CEP89: variants seen among roughly 807,000 people sequenced by gnomAD.
CEP89 encodes centrosomal protein 89.
In CEP89, 95 loss-of-function variants were observed where a neutral mutation model predicts 97.6. The ratio of observed to expected loss-of-function variants is 0.97; its 90% CI spans 0.82 to 1.15. CEP89 has a LOEUF of 1.15. CEP89 is among the 50% of genes most tolerant of loss of function. CEP89 has a pLI of 0.00. For synonymous variants in CEP89, 354 were observed against 349.1 expected (o/e 1.01, Z -0.16); for missense variants, 869 against 947.7 (o/e 0.92, Z 1.09).
At chr19:32,939,164 T>C (rs1031666784) in intron 6 of CEP89, among the ~76,000 whole-genome samples, 10 of 151,962 alleles carry the variant, frequency 6.6e-5, no homozygotes, top group Admixed American at 2.6e-4. Flanking sequence ...GGCAAAAGAA[T>C]CACTTGATCC....
chr19:32,939,914 CT>C, intron 5 of CEP89, 29 bp from the exon 6 acceptor site: 1 of 1,064,442 alleles, frequency 9.4e-7, no homozygotes, highest in Non-Finnish European at 1.4e-6. Context: ...GAGAGATAAA[CT>C]TTTAAAGTAG....
intron 14 of CEP89, among the ~76,000 whole-genome samples, chr19:32,911,452 A>C (rs1969998373): frequency 1.3e-5 from 2 of 152,224 alleles, no homozygotes; most frequent in South Asian, 4.1e-4. Context: ...GCCCAGCTCA[A>C]GATCAGCCTG....
At chr19:32,884,576 A>G (rs1217514613) in intron 17 of CEP89, among the ~76,000 whole-genome samples, 3 of 152,140 alleles carry the variant, frequency 2.0e-5, no homozygotes, top group Admixed American at 6.5e-5. Context: ...AAAAAAATTA[A>G]AACAATTTTT....
At chr19:32,908,111 T>C (rs1322937759) in intron 14 of CEP89, among the ~76,000 whole-genome samples, 1 of 152,210 alleles carries the variant, frequency 6.6e-6, no homozygotes, top group East Asian at 1.9e-4. Flanking sequence ...ACCCACACAA[T>C]GACGAAATCA....
chr19:32,954,944 C>T (rs1001399512), intron 3 of CEP89, among the ~76,000 whole-genome samples: 3 of 150,838 alleles, frequency 2.0e-5, no homozygotes, highest in Middle Eastern at 3.5e-3. Context: ...GGATTACAGG[C>T]CTGAGCCACC....
intron 5 of CEP89, among the ~76,000 whole-genome samples, chr19:32,940,139 A>T (rs1210965340): frequency 2.0e-5 from 3 of 151,840 alleles, no homozygotes; most frequent in African/African-American, 4.8e-5. Context: ...CCAAAGCCAA[A>T]CTCTTCAGTG....
chr19:32,909,535 G>A (rs756231838), intron 14 of CEP89, among the ~76,000 whole-genome samples: 6 of 152,172 alleles, frequency 3.9e-5, no homozygotes, highest in Non-Finnish European at 7.3e-5. Flanking sequence ...GAGAGATCCA[G>A]ATAAGCAGAG....
chr19:32,898,689 C>A (rs984481374), intron 16 of CEP89, among the ~76,000 whole-genome samples: 4 of 152,024 alleles, frequency 2.6e-5, no homozygotes, highest in Admixed American at 2.6e-4. Flanking sequence ...CAAGACCAGC[C>A]TGGCCAATGT....
chr19:32,935,756 G>C (rs573965556), intron 7 of CEP89, among the ~76,000 whole-genome samples: 1 of 152,276 alleles, frequency 6.6e-6, no homozygotes, highest in East Asian at 1.9e-4. Flanking sequence ...GCTCCATGGA[G>C]CAGGCAGGAG....
In CEP89 at chr19:32,882,020, G is replaced by A. The variant is rs1305437815; in HGVS notation, c.1966-7C>T. 11 of 1,558,510 alleles carry A rather than the reference G, an allele frequency of 7.1e-6. No individual in the cohort carries two copies. The highest frequency in any genetic ancestry group is 4.7e-5 in the South Asian group (4 of 84,834). ...CTGCCTGCTTCTTGTAGCCCTGGTC[G>A]GGGGAAGGACTCTGTGAATGAGGGG... On this transcript the variant is annotated splice_region_variant and splice_polypyrimidine_tract_variant and intron_variant, in intron 17 of 18. Transcript: ENST00000305768.
At chr19:32,971,469 A>T in intron 1 of CEP89, 1 of 544,810 alleles carries the variant, frequency 1.8e-6, no homozygotes, top group Non-Finnish European at 3.3e-6. Context: ...CACCATAGGA[A>T]CATAGCAAGA....
chr19:32,939,296 T>C (rs1391100435), intron 6 of CEP89, among the ~76,000 whole-genome samples: 1 of 152,098 alleles, frequency 6.6e-6, no homozygotes, highest in Non-Finnish European at 1.5e-5. Context: ...TCATTCCACA[T>C]TCATTTTAAT....
chr19:32,941,360 G>A (rs7251534), intron 5 of CEP89, among the ~76,000 whole-genome samples: 4,528 of 151,966 alleles, frequency 0.03, 143 homozygotes, highest in African/African-American at 0.081. Flanking sequence ...AAAATTAGCC[G>A]GGCATGGTGG....
chr19:32,971,258 A>T (rs1971401180), intron 1 of CEP89: 1 of 379,960 alleles, frequency 2.6e-6, no homozygotes, highest in Admixed American at 4.3e-5. Context: ...GAGGAGGGAA[A>T]AATGAAGAAT....
intron 12 of CEP89, among the ~76,000 whole-genome samples, chr19:32,921,385 C>A (rs1445022043): frequency 1.3e-5 from 2 of 152,300 alleles, no homozygotes; most frequent in South Asian, 2.1e-4. Flanking sequence ...GACCCTCCTG[C>A]AGCTGGAGGG....
chr19:32,926,272 A>G lies in CEP89; in HGVS notation c.1082T>C (p.Leu361Ser). The change falls in exon 11 of 19, where the codon TTG (leucine) becomes TCG (serine). Residue 361 changes from leucine (L) to serine (S), a missense_variant and splice_region_variant. Leu to Ser is a moderately radical substitution (Grantham distance 145). Transcript: ENST00000305768. ...PSKGPIPPWL[L>S]DIKYLSPLLL... ...CAATGGTGACAGGTACTTTATATCCAACTGAAGATAGAGAGTAAAGGAAGG... is the reference window on the plus strand; with the variant it reads ...CAATGGTGACAGGTACTTTATATCCGACTGAAGATAGAGAGTAAAGGAAGG... 6.2e-7 allele frequency: 1 copy of G among 1,604,616 alleles called. No homozygotes were observed. The highest frequency in any genetic ancestry group is 1.3e-5 in the African/African-American group (1 of 74,868).
intron 17 of CEP89, among the ~76,000 whole-genome samples, chr19:32,883,113 C>T (rs1457706107): frequency 6.6e-6 from 1 of 151,788 alleles, no homozygotes; most frequent in Non-Finnish European, 1.5e-5. Flanking sequence ...CCGCCTGCCT[C>T]GGCCTCCCAA....
In CEP89 at chr19:32,876,550, G is replaced by A. The variant is rs976904536; in HGVS notation, c.*2612C>T. On this transcript the variant is annotated 3_prime_UTR_variant, in exon 19 of 19. Transcript: ENST00000305768. ...CTGAGTGCCTGCTGTGCTCCTGGGG[G>A]CCCTCTCCACCCTTCTGTAGCTCCT... 4 of 154,304 alleles carry A rather than the reference G, an allele frequency of 2.6e-5. No homozygotes were observed. Among genetic ancestry groups the A allele is most frequent in the African/African-American group, 7.2e-5 (3 of 41,608 alleles). The allele number at this position is 154,304 out of a possible 1,614,324, so 9.6% of individuals were successfully genotyped here.
intron 17 of CEP89, among the ~76,000 whole-genome samples, chr19:32,883,403 C>T (rs1375182937): frequency 6.6e-6 from 1 of 152,032 alleles, no homozygotes; most frequent in African/African-American, 2.4e-5. Context: ...CCTGTAATCC[C>T]AGCACTTTGG....
Sources: allele counts gnomAD v4.1 joint callset (sites outside exome capture counted in the v4.1 genomes callset), GRCh38; gene constraint gnomAD v4.1.1; transcripts MANE v1.5; gene names NCBI Gene and HGNC (gene_info 2026-07-23, HGNC 2026-07-21).